Variants in RIMBP2 observed in about 807,000 individuals in gnomAD.
The protein encoded by RIMBP2 is RIMS binding protein 2, also known as RIMS-binding protein 2.
RIMBP2 carries 48 observed loss-of-function variants against 118.6 expected under a neutral mutation model. The ratio of observed to expected loss-of-function variants is 0.40; its 90% CI spans 0.32 to 0.51. RIMBP2 has a LOEUF of 0.51. Among genes scored for constraint, RIMBP2 ranks in the 20% least tolerant of loss-of-function variants. The probability of loss-of-function intolerance (pLI) is 0.41; values close to 1 mark genes in which losing one functional copy is unlikely to be tolerated. For synonymous variants in RIMBP2, 762 were observed against 742.9 expected, an observed-to-expected ratio of 1.03 and a Z score of -0.42; for missense variants, 1,551 against 1,768.3, an observed-to-expected ratio of 0.88 and a Z score of 2.20.
chr12:130,512,514 G>C (rs1041388752), intron 3 of RIMBP2, among the ~76,000 whole-genome samples: 1 of 152,126 alleles, frequency 6.6e-6, no homozygotes. Flanking sequence ...GTAGAGACAG[G>C]GTTTCTCCAT....
intron 1 of RIMBP2, among the ~76,000 whole-genome samples, chr12:130,664,395 A>ACACACG (rs68176742): frequency 2.3e-5 from 3 of 128,536 alleles, no homozygotes; most frequent in East Asian, 2.3e-4. Flanking sequence ...GCATGCACAC[A>ACACACG]CACGCACGCA....
intron 21 of RIMBP2, among the ~76,000 whole-genome samples, 189 bp from the exon 22 acceptor site, chr12:130,400,002 C>A (rs1051745101): frequency 6.6e-6 from 1 of 152,160 alleles, no homozygotes; most frequent in Admixed American, 6.5e-5. Context: ...GAGTCCTAAG[C>A]CCCTTTCCTG....
chr12:130,452,539 A>G (rs904159641), intron 7 of RIMBP2, among the ~76,000 whole-genome samples: 1 of 152,250 alleles, frequency 6.6e-6, no homozygotes, highest in East Asian at 1.9e-4. Flanking sequence ...TCGGAAACCC[A>G]GCCGACAGCA....
rs1417510193 is a variant in RIMBP2 at position 130,511,809 on chromosome 12, T to C, written c.-126-5039A>G. ...GGGGATGCGACCCTTCGAGATGGAA[T>C]ACCACCTGTCTCGGTGTCAAGGAAG... On this transcript the variant is annotated intron_variant, in intron 3 of 22. Coordinates refer to ENST00000690449, the MANE Select transcript of RIMBP2 (RefSeq NM_001393629.1). The surrounding 1 kb of genome is among the most constrained non-coding windows in gnomAD (Gnocchi z 4.3). 6.6e-6 allele frequency among the ~76,000 whole-genome samples: 1 copy of C among 152,076 alleles called. No homozygotes were observed. Among genetic ancestry groups the C allele is most frequent in the African/African-American group, 2.4e-5 (1 of 41,408 alleles).
At chr12:130,502,092 T>C (rs2049848983) in intron 4 of RIMBP2, among the ~76,000 whole-genome samples, 1 of 152,188 alleles carries the variant, frequency 6.6e-6, no homozygotes, top group South Asian at 2.1e-4. Context: ...AGCCCTGTCT[T>C]GCCTGATGGA....
At chr12:130,467,392 A>G (rs1191697675) in intron 6 of RIMBP2, among the ~76,000 whole-genome samples, 1 of 152,246 alleles carries the variant, frequency 6.6e-6, no homozygotes, top group East Asian at 1.9e-4. Context: ...GAACTAGCTC[A>G]TCTGGTCTTG....
At chr12:130,608,579 G>C (rs1022551190) in intron 2 of RIMBP2, among the ~76,000 whole-genome samples, 24 of 152,188 alleles carry the variant, frequency 1.6e-4, no homozygotes, top group Admixed American at 1.6e-3. Context: ...CCCTCCTCCT[G>C]GGGGGAGGTG....
At chr12:130,439,677 GTA>G (rs1194795017) in intron 11 of RIMBP2, among the ~76,000 whole-genome samples, 2 of 118,760 alleles carry the variant, frequency 1.7e-5, no homozygotes, top group East Asian at 5.8e-4. Context: ...TGTGGGGGGT[GTA>G]TGTGTTTTTG....
At chr12:130,697,678 C>G (rs2065639350) in intron 1 of RIMBP2, among the ~76,000 whole-genome samples, 1 of 152,100 alleles carries the variant, frequency 6.6e-6, no homozygotes, top group African/African-American at 2.4e-5. Flanking sequence ...GGAAATTAGC[C>G]AGGCACAGTG....
At chr12:130,657,456 A>G (rs73159149) in intron 1 of RIMBP2, among the ~76,000 whole-genome samples, 4,888 of 152,328 alleles carry the variant, frequency 0.032, 106 homozygotes, top group African/African-American at 0.044. Context: ...GGAGAAAGAA[A>G]AAGTTCTAAG....
chr12:130,637,758 T>C (rs908676740), intron 1 of RIMBP2, among the ~76,000 whole-genome samples: 1 of 152,170 alleles, frequency 6.6e-6, no homozygotes. Context: ...TCTTTCCTAT[T>C]TGTTGTTTAT....
chr12:130,705,023 A>C (rs975451004), intron 1 of RIMBP2, among the ~76,000 whole-genome samples: 1 of 152,212 alleles, frequency 6.6e-6, no homozygotes, highest in African/African-American at 2.4e-5. Flanking sequence ...TAGAGGCCAG[A>C]AGCCCAGAAG....
At chr12:130,432,093 C>A in intron 14 of RIMBP2, 1 of 382,586 alleles carries the variant, frequency 2.6e-6, no homozygotes, top group Non-Finnish European at 5.2e-6. Context: ...GGGTATGGGT[C>A]CTTCACCCAG....
chr12:130,575,544 C>T (rs12580226), intron 2 of RIMBP2, among the ~76,000 whole-genome samples: 2 of 152,290 alleles, frequency 1.3e-5, no homozygotes, highest in Admixed American at 6.5e-5. Flanking sequence ...CCTATAATAA[C>T]TACGTGACCC....
At chr12:130,543,480 C>T (rs575083804) in intron 2 of RIMBP2, among the ~76,000 whole-genome samples, 1 of 152,122 alleles carries the variant, frequency 6.6e-6, no homozygotes, top group Non-Finnish European at 1.5e-5. Flanking sequence ...CAGAAAAACT[C>T]AGGCCAGCAG....
rs531530814 is a variant in RIMBP2, at chr12:130,649,299, G to A, written c.-351-20843C>T. ...TCTCTCCTCCTCAGCGGAGAGATGA[G>A]TGCTCCCGGCCGGAGGCCGCTCCGC... On this transcript the variant is annotated intron_variant, in intron 1 of 22. Transcript: ENST00000690449. Among the ~76,000 whole-genome samples, 16 of 109,594 alleles carry A rather than the reference G, an allele frequency of 1.5e-4. 2 individuals are homozygous for A. The highest frequency in any genetic ancestry group is 3.8e-4 in the Non-Finnish European group (16 of 42,394). The allele number at this position is 109,594 out of a possible 152,430, so 71.9% of individuals were successfully genotyped here.
intron 2 of RIMBP2, among the ~76,000 whole-genome samples, chr12:130,565,569 C>G (rs2057156704): frequency 6.6e-6 from 1 of 152,194 alleles, no homozygotes; most frequent in Non-Finnish European, 1.5e-5. Context: ...CAGAAAAGAA[C>G]TAAGCCATTC....
chr12:130,661,616 G>A (rs2063666856), intron 1 of RIMBP2, among the ~76,000 whole-genome samples: 2 of 152,184 alleles, frequency 1.3e-5, no homozygotes, highest in South Asian at 2.1e-4. Context: ...GTTAGCATCT[G>A]ATGTGGCATA....
At chr12:130,674,842 G>GTATA (rs368217876) in intron 1 of RIMBP2, among the ~76,000 whole-genome samples, 1 of 152,160 alleles carries the variant, frequency 6.6e-6, no homozygotes, top group African/African-American at 2.4e-5. Context: ...GGGACGGGTC[G>GTATA]TATACGTGGG....
Sources: gnomAD v4.1 joint callset for allele counts (sites outside exome capture counted in the v4.1 genomes callset) on GRCh38, gnomAD v4.1.1 for gene constraint, Gnocchi (gnomAD v3.1) non-coding constraint, MANE v1.5 for transcripts, NCBI Gene and HGNC (gene_info 2026-07-23, HGNC 2026-07-21) for gene names.